Variants in CEACAM8 observed in about 807,000 individuals in gnomAD.
CEACAM8 encodes the protein cell adhesion molecule CEACAM8.
In CEACAM8, 31 loss-of-function variants were observed where a neutral mutation model predicts 33.4. The observed-to-expected ratio is 0.93, with a 90% CI of 0.70 to 1.25. The LOEUF (loss-of-function observed/expected upper bound fraction) is 1.25, where lower values mean the gene tolerates loss of function less well. Among genes scored for constraint, CEACAM8 ranks in the 50% most tolerant of loss-of-function variants. The pLI, the probability that CEACAM8 is intolerant of heterozygous loss-of-function variation, is 0.00. For synonymous variants in CEACAM8, 138 were observed against 164.5 expected, an observed-to-expected ratio of 0.84 and a Z score of 1.23; for missense variants, 388 against 434.6, an observed-to-expected ratio of 0.89 and a Z score of 0.95.
Position 42,593,487 on chromosome 19 carries a change from G to A in CEACAM8, c.424+54C>T, listed in dbSNP as rs2042484018. The A allele has an allele frequency of 5.2e-6, 8 of 1,530,696 alleles. No homozygotes were observed. In the East Asian group the frequency reaches 1.6e-4, roughly 30 times the overall value. 94.8% of individuals were successfully genotyped at this position (1,530,696 alleles called of 1,614,324 possible). A position where few individuals can be genotyped will look rare whatever the true frequency, so the allele number is the denominator to read the frequency against. On this transcript the variant is annotated intron_variant, in intron 2 of 5. Coordinates refer to ENST00000244336, the MANE Select transcript of CEACAM8 (RefSeq NM_001816.4). The stretch of plus-strand genomic sequence containing the variant: ...CACAGCCCAGGCCTAACAATCCTGT[G>A]TGTGGGAAGTAGAACTGACCCCCAA...
intron 4 of CEACAM8, among the ~76,000 whole-genome samples, chr19:42,588,398 C>T (rs2042372359): frequency 6.6e-6 from 1 of 152,178 alleles, no homozygotes; most frequent in East Asian, 1.9e-4. Context: ...TTGGATGTTT[C>T]TTGCAGCTAA....
chr19:42,594,444 G>T (rs2042508530), intron 1 of CEACAM8, among the ~76,000 whole-genome samples: 1 of 152,156 alleles, frequency 6.6e-6, no homozygotes, highest in Non-Finnish European at 1.5e-5. Flanking sequence ...TGACATTGTT[G>T]GCTGAGGACA....
Position 42,591,403 on chromosome 19 carries a change from C to A in CEACAM8, c.425-1668G>T, listed in dbSNP as rs370435620. 1.8e-4 allele frequency among the ~76,000 whole-genome samples: 28 copies of A among 152,210 alleles called. No homozygotes were observed. In the East Asian group the frequency reaches 4.4e-3, roughly 24 times the overall value. On this transcript the variant is annotated intron_variant, in intron 2 of 5. Transcript: ENST00000244336. ...GTGAGTCCTGTTAAGAGGACAGAAC[C>A]GGTCAGAGAGGAAGTCTTAGGTGTG...
chr19:42,583,408 G>T, intron 4 of CEACAM8, 71 bp from the exon 5 acceptor site: 2 of 975,616 alleles, frequency 2.0e-6, no homozygotes, highest in Non-Finnish European at 3.3e-6. Context: ...CCAGGAACCA[G>T]CTCCTAGCAT....
In CEACAM8 at chr19:42,594,775, G is replaced by A. The variant is rs1045048012; in HGVS notation, c.54C>T (p.Leu18=). ...SCRWRIPWQG[L]LLTASLFTFW... ...AAGTCCTCTCCTCACCTGTGAGCAG[G>A]AGCCCCTGCCAGGGGATGCGCCATC... The change falls in exon 1 of 6, where the codon CTC becomes CTT. Residue 18 remains leucine (L), a synonymous_variant. Coordinates refer to ENST00000244336, the MANE Select transcript of CEACAM8 (RefSeq NM_001816.4). The A allele has an allele frequency of 3.7e-6, 6 of 1,610,384 alleles. No individual in the cohort carries two copies. The highest frequency in any genetic ancestry group is 1.7e-4 in the Middle Eastern group (1 of 6,034).
chr19:42,587,085 C>T (rs1461511633), intron 4 of CEACAM8, among the ~76,000 whole-genome samples: 4 of 152,112 alleles, frequency 2.6e-5, no homozygotes, highest in African/African-American at 9.7e-5. Context: ...ACCACACACA[C>T]ACAAACAACA....
At chr19:42,586,705 C>T (rs111528972) in intron 4 of CEACAM8, among the ~76,000 whole-genome samples, 5 of 152,218 alleles carry the variant, frequency 3.3e-5, no homozygotes, top group African/African-American at 1.2e-4. Flanking sequence ...ACAACAAAAG[C>T]ATAGGCAACA....
In CEACAM8 at chr19:42,582,547, G is replaced by A. The variant is rs548191500; in HGVS notation, c.*40+659C>T. Among the ~76,000 whole-genome samples, 61 of 151,648 alleles carry A rather than the reference G, an allele frequency of 4.0e-4. 1 individual carries two copies. The South Asian group carries it at 0.012, about 31-fold the overall frequency. ...GTTGTTCTCCATGAGGTCAGAGGTT[G>A]CTTGCTTTGAAGGGTATGTGGGCAA... On this transcript the variant is annotated intron_variant, in intron 5 of 5. Coordinates refer to ENST00000244336, the MANE Select transcript of CEACAM8 (RefSeq NM_001816.4).
intron 5 of CEACAM8, among the ~76,000 whole-genome samples, chr19:42,582,731 G>T (rs2042278030): frequency 1.3e-5 from 2 of 152,198 alleles, no homozygotes; most frequent in African/African-American, 4.8e-5. Flanking sequence ...GGGAATGGAA[G>T]TGAGAAGAAT....
chr19:42,590,262 C>T (rs1349544079), intron 2 of CEACAM8, among the ~76,000 whole-genome samples: 1 of 152,168 alleles, frequency 6.6e-6, no homozygotes, highest in East Asian at 1.9e-4. Flanking sequence ...GCCTGGAGGT[C>T]GGTTCCGTCG....
At position 42,581,946 on chromosome 19, in the gene CEACAM8, T is replaced by TATATATAA. The variant is rs765190705; in HGVS notation, c.*41-594_*41-593insTTATATAT. Among the ~76,000 whole-genome samples the TATATATAA allele has an allele frequency of 4.8e-3, 399 of 83,972 alleles. 10 individuals carry two copies. Among genetic ancestry groups the TATATATAA allele is most frequent in the African/African-American group, 0.017 (358 of 21,028 alleles). The allele number at this position is 83,972 out of a possible 152,430, so 55.1% of individuals were successfully genotyped here. ...ATATATATATATATATATATATATA[T>TATATATAA]AAAATAAGGTGGCTTTTCCACTTAG... On this transcript the variant is annotated intron_variant, in intron 5 of 5. Transcript: ENST00000244336.
rs911354693 is a variant in CEACAM8 at position 42,589,432 on chromosome 19, C to T, written c.703+25G>A. 14 of 1,613,508 alleles carry T rather than the reference C, an allele frequency of 8.7e-6. No individual in the cohort carries two copies. In the Admixed American group the frequency reaches 1.7e-4, roughly 19 times the overall value. ...CGTGGATTTGGGCTGGTGGCCTGGGCCACAGAGGAACAGAAGATACTCACA... is the reference window on the plus strand; with the variant it reads ...CGTGGATTTGGGCTGGTGGCCTGGGTCACAGAGGAACAGAAGATACTCACA... On this transcript the variant is annotated intron_variant, in intron 3 of 5. Transcript: ENST00000244336.
intron 4 of CEACAM8, among the ~76,000 whole-genome samples, chr19:42,584,117 C>G (rs569120519): frequency 9.9e-5 from 15 of 152,202 alleles, no homozygotes; most frequent in Admixed American, 9.2e-4. Context: ...TTTTTTCTCT[C>G]TTTCACGTGT....
intron 2 of CEACAM8, among the ~76,000 whole-genome samples, chr19:42,592,773 C>T (rs1420765162): frequency 6.6e-6 from 1 of 152,160 alleles, no homozygotes; most frequent in African/African-American, 2.4e-5. Context: ...TTATTTGCCT[C>T]CATGAGAGGG....
At position 42,588,980 on chromosome 19, in the gene CEACAM8, A is replaced by T; in HGVS notation, c.762T>A (p.Asn254Lys). The stretch of plus-strand genomic sequence containing the variant: ...AGGCCGCATGGCAGGAGAGGTTGAG[A>T]TTTACCCCTGCATGGTAATAGGTGT... ...PSDTYYHAGV[N>K]LNLSCHAASN... Residue 254 changes from asparagine to lysine, a missense_variant, in exon 4 of 6, where the codon AAT becomes AAA. Asn to Lys is a moderately conservative substitution (Grantham distance 94). Transcript: ENST00000244336. The T allele has an allele frequency of 6.2e-7, 1 of 1,614,152 alleles. No individual in the cohort carries two copies. The highest frequency in any genetic ancestry group is 8.5e-7 in the Non-Finnish European group (1 of 1,180,020).
At chr19:42,581,922 T>TAA (rs1568690346) in intron 5 of CEACAM8, among the ~76,000 whole-genome samples, 1 of 44,988 alleles carries the variant, frequency 2.2e-5, no homozygotes. Context: ...AAAAAAAAAA[T>TAA]ATATATATAT....
In CEACAM8 at chr19:42,589,437, G is replaced by A; in HGVS notation, c.703+20C>T. On this transcript the variant is annotated intron_variant, in intron 3 of 5. Transcript: ENST00000244336. Reference sequence around the variant, plus strand: ...ATTTGGGCTGGTGGCCTGGGCCACAGAGGAACAGAAGATACTCACAGAGGA... The same window carrying A: ...ATTTGGGCTGGTGGCCTGGGCCACAAAGGAACAGAAGATACTCACAGAGGA... The A allele has an allele frequency of 6.2e-7, 1 of 1,613,896 alleles. No homozygotes were observed. Among genetic ancestry groups the A allele is most frequent in the Non-Finnish European group, 8.5e-7 (1 of 1,179,770 alleles).
In CEACAM8 at chr19:42,580,388, G is replaced by GT; in HGVS notation, c.*1005dup. The GT allele has an allele frequency of 6.6e-6, 1 of 152,326 alleles. No homozygotes were observed. Among genetic ancestry groups the GT allele is most frequent in the East Asian group, 1.9e-4 (1 of 5,192 alleles). 9.4% of individuals were successfully genotyped at this position (152,326 alleles called of 1,614,324 possible). A position where few individuals can be genotyped will look rare whatever the true frequency, so the allele number is the denominator to read the frequency against. On this transcript the variant is annotated 3_prime_UTR_variant, in exon 6 of 6. Coordinates refer to ENST00000244336, the MANE Select transcript of CEACAM8 (RefSeq NM_001816.4). ...AACAAAGAGTTGTGTTAAAGATGCTGTTACTGTCAGCCATTGGGTGGACTA... is the reference window on the plus strand; with the variant it reads ...AACAAAGAGTTGTGTTAAAGATGCTGTTTACTGTCAGCCATTGGGTGGACTA...
intron 4 of CEACAM8, 86 bp downstream of exon 4, chr19:42,588,698 A>G: frequency 6.7e-7 from 1 of 1,494,284 alleles, no homozygotes; most frequent in Non-Finnish European, 9.2e-7. Flanking sequence ...ACAGGCTGGG[A>G]ATAAAACTTT....
Sources: allele counts gnomAD v4.1 joint callset (sites outside exome capture counted in the v4.1 genomes callset), GRCh38; gene constraint gnomAD v4.1.1; transcripts MANE v1.5; gene names NCBI Gene and HGNC (gene_info 2026-07-23, HGNC 2026-07-21).